The following C1GALT1 variants were observed in gnomAD, a reference collection of about 807,000 sequenced individuals.
C1GALT1 encodes glycoprotein-N-acetylgalactosamine 3-beta-galactosyltransferase 1.
A neutral mutation model predicts 31.0 loss-of-function variants in C1GALT1; 11 were observed. That is an observed-to-expected ratio of 0.36 (90% confidence interval 0.22 to 0.59). The LOEUF is 0.59. Among genes scored for constraint, C1GALT1 ranks in the 20% least tolerant of loss-of-function variants. The pLI, the probability that C1GALT1 is intolerant of heterozygous loss-of-function variation, is 0.79. For synonymous variants in C1GALT1, 175 were observed against 143.6 expected (o/e 1.22, Z -1.56); for missense variants, 424 against 425.2 (o/e 1.00, Z 0.03).
chr7:7,168,799 A>T (rs1266209027), intron 2 of C1GALT1, among the ~76,000 whole-genome samples: 1 of 152,224 alleles, frequency 6.6e-6, no homozygotes, highest in Non-Finnish European at 1.5e-5. Context: ...TGCCAACATT[A>T]TTCCTGTCTT....
intron 1 of C1GALT1, among the ~76,000 whole-genome samples, chr7:7,207,217 G>T (rs929875417): frequency 6.6e-6 from 1 of 151,172 alleles, no homozygotes; most frequent in African/African-American, 2.4e-5. Flanking sequence ...TTCCTGTCTA[G>T]ATCTGCCTTT....
intron 1 of C1GALT1, among the ~76,000 whole-genome samples, chr7:7,208,074 T>A (rs75869684): frequency 0.041 from 6,230 of 152,238 alleles, 289 homozygotes; most frequent in African/African-American, 0.12. Context: ...GGGACATGAA[T>A]TATCCCTTTG....
chr7:7,158,691 T>C (rs1012773535), intron 2 of C1GALT1, among the ~76,000 whole-genome samples: 84 of 151,816 alleles, frequency 5.5e-4, no homozygotes, highest in African/African-American at 1.9e-3. Flanking sequence ...ATTTCATCTA[T>C]AATTTTATAA....
intron 1 of C1GALT1, among the ~76,000 whole-genome samples, chr7:7,222,944 GC>G (rs1562585409): frequency 2.0e-5 from 3 of 149,850 alleles, no homozygotes; most frequent in African/African-American, 7.4e-5. Flanking sequence ...TTGTAGTTAA[GC>G]TTTTTTTAAA....
intron 2 of C1GALT1, among the ~76,000 whole-genome samples, chr7:7,164,866 C>G (rs1780375281): frequency 6.6e-6 from 1 of 152,074 alleles, no homozygotes; most frequent in African/African-American, 2.4e-5. Flanking sequence ...TCTTTCTGTC[C>G]TGAAGGAGGA....
intron 1 of C1GALT1, among the ~76,000 whole-genome samples, chr7:7,208,390 A>T (rs1199223144): frequency 6.6e-6 from 1 of 152,110 alleles, no homozygotes; most frequent in East Asian, 1.9e-4. Context: ...AGTACGTGTA[A>T]GGTTCAGTAC....
chr7:7,226,607 C>T (rs544659554), intron 1 of C1GALT1, among the ~76,000 whole-genome samples: 8 of 152,026 alleles, frequency 5.3e-5, no homozygotes, highest in Non-Finnish European at 7.4e-5. Flanking sequence ...TTACAAAGTT[C>T]TTAGGGAGAA....
At position 7,245,004 on chromosome 7, in the gene C1GALT1, G is replaced by GTTTC. The variant is rs1783785971; in HGVS notation, c.*1278_*1281dup. On this transcript the variant is annotated 3_prime_UTR_variant, in exon 4 of 4. Transcript: ENST00000436587. ...ACTGTCATCAAAAACATTCACAAAT[G>GTTTC]TTTCATTCTATTTTTAGTGACTCTG... 1 of 152,134 alleles carries GTTTC rather than the reference G, an allele frequency of 6.6e-6. No homozygotes were observed. Among genetic ancestry groups the GTTTC allele is most frequent in the Admixed American group, 6.5e-5 (1 of 15,286 alleles). 9.4% of individuals were successfully genotyped at this position (152,134 alleles called of 1,614,324 possible).
At position 7,182,827 on chromosome 7, in the gene C1GALT1, C is replaced by T; in HGVS notation, c.-18+7C>T. 4 of 985,568 alleles carry T rather than the reference C, an allele frequency of 4.1e-6. No individual in the cohort carries two copies. The highest frequency in any genetic ancestry group is 4.8e-6 in the Non-Finnish European group (4 of 830,086). 61.1% of individuals were successfully genotyped at this position (985,568 alleles called of 1,614,324 possible). A position where few individuals can be genotyped will look rare whatever the true frequency, so the allele number is the denominator to read the frequency against. ...GAGCCGCAGCTGATGTCAGGTATGG[C>T]CGGCGGAGGCGCCCTCAGGCTACGG... On this transcript the variant is annotated splice_region_variant and intron_variant, in intron 1 of 3. Transcript: ENST00000436587.
intron 1 of C1GALT1, among the ~76,000 whole-genome samples, chr7:7,187,495 G>C (rs1481257991): frequency 6.6e-6 from 1 of 152,068 alleles, no homozygotes; most frequent in Admixed American, 6.6e-5. Flanking sequence ...TAACAAATTA[G>C]TGGAGAGGTT....
intron 1 of C1GALT1, among the ~76,000 whole-genome samples, chr7:7,205,241 T>C (rs1158429691): frequency 2.0e-5 from 3 of 152,168 alleles, no homozygotes; most frequent in Non-Finnish European, 4.4e-5. Flanking sequence ...ACACAGAGGT[T>C]AGGGATGCTA....
chr7:7,232,561 C>T (rs1029457751), intron 1 of C1GALT1, among the ~76,000 whole-genome samples: 16 of 150,482 alleles, frequency 1.1e-4, no homozygotes, highest in Non-Finnish European at 1.9e-4. Flanking sequence ...GGCATGATCT[C>T]GGTCCTGCAG....
chr7:7,208,944 T>A lies in C1GALT1; in HGVS notation c.-17-25359T>A, dbSNP rs142413929. Reference sequence around the variant, plus strand: ...TTCTTGAAGTTTGAAGTTTTCAGTATACTTTGAGAGCTTCATAATAGTTGT... The same window carrying A: ...TTCTTGAAGTTTGAAGTTTTCAGTAAACTTTGAGAGCTTCATAATAGTTGT... On this transcript the variant is annotated intron_variant, in intron 1 of 3. Coordinates refer to ENST00000436587, the MANE Select transcript of C1GALT1 (RefSeq NM_020156.5). Among the ~76,000 whole-genome samples the A allele has an allele frequency of 3.4e-4, 52 of 152,330 alleles. 2 individuals carry two copies. Among genetic ancestry groups the A allele is most frequent in the African/African-American group, 1.1e-3 (47 of 41,578 alleles).
intron 2 of C1GALT1, among the ~76,000 whole-genome samples, chr7:7,174,329 T>C (rs775413856): frequency 2.2e-4 from 34 of 152,236 alleles, no homozygotes; most frequent in South Asian, 2.1e-4. Context: ...GCTGTAAACA[T>C]TCAAATGCAG....
At chr7:7,179,711 G>A (rs1454342188), upstream of C1GALT1, among the ~76,000 whole-genome samples, 1 of 152,142 alleles carries the variant, frequency 6.6e-6, no homozygotes, top group Non-Finnish European at 1.5e-5. Context: ...GAAGTGGATA[G>A]TCCAGACCTG....
chr7:7,193,422 C>A (rs867887033), intron 1 of C1GALT1, among the ~76,000 whole-genome samples: 1 of 152,102 alleles, frequency 6.6e-6, no homozygotes, highest in Non-Finnish European at 1.5e-5. Context: ...GTCCTTTCCC[C>A]ACTTTACGTT....
intron 1 of C1GALT1, among the ~76,000 whole-genome samples, chr7:7,219,727 G>C (rs562264584): frequency 3.3e-5 from 5 of 152,152 alleles, no homozygotes; most frequent in Admixed American, 1.3e-4. Flanking sequence ...TGAAATATTA[G>C]AAGCATTTTA....
At chr7:7,174,295 G>T (rs993087350) in intron 2 of C1GALT1, among the ~76,000 whole-genome samples, 2 of 152,216 alleles carry the variant, frequency 1.3e-5, no homozygotes, top group Admixed American at 6.5e-5. Context: ...TTACTTTCAA[G>T]TTCTGGCAAT....
intron 2 of C1GALT1, among the ~76,000 whole-genome samples, chr7:7,163,427 A>C (rs546449270): frequency 2.3e-3 from 345 of 152,298 alleles, no homozygotes; most frequent in African/African-American, 8.0e-3. Flanking sequence ...GCCCTCTCTC[A>C]CCACTCCTAT....
Sources: allele counts gnomAD v4.1 joint callset (sites outside exome capture counted in the v4.1 genomes callset), GRCh38; gene constraint gnomAD v4.1.1; transcripts MANE v1.5; gene names NCBI Gene and HGNC (gene_info 2026-07-23, HGNC 2026-07-21).